MCTP1: variants seen among roughly 807,000 people sequenced by gnomAD.
MCTP1 encodes the protein multiple C2 and transmembrane domain-containing protein 1.
MCTP1 carries 69 observed loss-of-function variants against 120.6 expected under a neutral mutation model. The observed-to-expected ratio is 0.57, with a 90% CI of 0.47 to 0.70. MCTP1 has a LOEUF of 0.70. MCTP1 is among the 30% of genes least tolerant of loss of function. MCTP1 has a pLI of 0.00. For synonymous variants in MCTP1, 529 were observed against 493.1 expected (o/e 1.07, Z -0.96); for missense variants, 1,203 against 1,248.8 (o/e 0.96, Z 0.55).
intron 18 of MCTP1, among the ~76,000 whole-genome samples, chr5:94,784,511 T>G (rs939756100): frequency 6.6e-6 from 1 of 152,074 alleles, no homozygotes; most frequent in East Asian, 1.9e-4. Context: ...ACAAGATTTT[T>G]GAGAAGAAAC....
intron 1 of MCTP1, among the ~76,000 whole-genome samples, chr5:95,035,110 A>G (rs1841030807): frequency 6.6e-6 from 1 of 152,096 alleles, no homozygotes; most frequent in South Asian, 2.1e-4. Flanking sequence ...GAACACTCAT[A>G]CACTGTTGGT....
intron 1 of MCTP1, among the ~76,000 whole-genome samples, chr5:95,166,568 ATT>A (rs34176318): frequency 0.14 from 17,470 of 124,966 alleles, 860 homozygotes; most frequent in Non-Finnish European, 0.19. Context: ...AATTTTAATC[ATT>A]TTTTTTTTTT....
At chr5:95,233,984 T>C (rs1377481739) in intron 1 of MCTP1, among the ~76,000 whole-genome samples, 1 of 144,776 alleles carries the variant, frequency 6.9e-6, no homozygotes, top group African/African-American at 2.6e-5. Flanking sequence ...ATAAAACTGA[T>C]AAACCTTGAG....
intron 7 of MCTP1, among the ~76,000 whole-genome samples, chr5:94,923,129 C>T (rs1161596170): frequency 2.0e-5 from 3 of 151,446 alleles, no homozygotes; most frequent in Middle Eastern, 3.4e-3. Flanking sequence ...AGAGACACTA[C>T]AACAAATATT....
intron 7 of MCTP1, among the ~76,000 whole-genome samples, chr5:94,919,945 G>C (rs1811116620): frequency 6.6e-6 from 1 of 152,118 alleles, no homozygotes; most frequent in Non-Finnish European, 1.5e-5. Flanking sequence ...TTTTTTCTTA[G>C]AAGATGATTT....
At chr5:95,165,145 C>G (rs927534168) in intron 1 of MCTP1, among the ~76,000 whole-genome samples, 1 of 152,076 alleles carries the variant, frequency 6.6e-6, no homozygotes, top group Non-Finnish European at 1.5e-5. Context: ...CCCAGAGACA[C>G]CTCTAAATAA....
intron 19 of MCTP1, among the ~76,000 whole-genome samples, chr5:94,767,445 CA>C (rs1274338310): frequency 2.0e-5 from 3 of 151,754 alleles, no homozygotes; most frequent in Non-Finnish European, 4.4e-5. Context: ...AAAAGGCATC[CA>C]AATTGGAAAA....
chr5:94,777,608 C>T (rs988224116), intron 19 of MCTP1, among the ~76,000 whole-genome samples: 6 of 152,046 alleles, frequency 3.9e-5, no homozygotes, highest in African/African-American at 7.2e-5. Flanking sequence ...CAAGAGAAAA[C>T]GGCCATAAAT....
At chr5:94,993,391 A>G (rs1831990828) in intron 2 of MCTP1, among the ~76,000 whole-genome samples, 1 of 152,220 alleles carries the variant, frequency 6.6e-6, no homozygotes, top group African/African-American at 2.4e-5. Context: ...CACCTGGAAC[A>G]TAATAAATGA....
intron 18 of MCTP1, among the ~76,000 whole-genome samples, chr5:94,784,507 T>C (rs546332266): frequency 4.6e-5 from 7 of 152,046 alleles, no homozygotes; most frequent in Non-Finnish European, 8.8e-5. Context: ...TCTCACAAGA[T>C]TTTTGAGAAG....
chr5:94,804,160 C>A (rs1210071522), intron 17 of MCTP1, among the ~76,000 whole-genome samples: 2 of 152,182 alleles, frequency 1.3e-5, no homozygotes, highest in African/African-American at 4.8e-5. Context: ...ACAGCAAAAG[C>A]TCACTAATAC....
intron 17 of MCTP1, among the ~76,000 whole-genome samples, chr5:94,846,819 G>C (rs200438367): frequency 1.4e-5 from 1 of 71,388 alleles, no homozygotes. Flanking sequence ...GTGTGTGTCT[G>C]TGTGTGTGTG....
chr5:95,057,125 TATC>T (rs569508786), intron 1 of MCTP1, among the ~76,000 whole-genome samples: 19 of 152,136 alleles, frequency 1.2e-4, no homozygotes, highest in African/African-American at 4.3e-4. Flanking sequence ...TAGAAGCAAA[TATC>T]ATAAAATAGT....
rs564193123 is a variant in MCTP1, at chr5:94,716,225, A to T, written c.2611-1339T>A. Among the ~76,000 whole-genome samples, 39 of 152,292 alleles carry T rather than the reference A, an allele frequency of 2.6e-4. 1 individual carries two copies. Among genetic ancestry groups the T allele is most frequent in the Middle Eastern group, 3.4e-3 (1 of 294 alleles). ...CATGGGAGAAATTTGTCTATTATTC[A>T]TCTTGCTTATGCCAAAATGGATTGT... On this transcript the variant is annotated intron_variant, in intron 19 of 22. Transcript: ENST00000515393.
intron 2 of MCTP1, among the ~76,000 whole-genome samples, chr5:94,958,324 C>A (rs1022659570): frequency 1.3e-5 from 2 of 152,084 alleles, no homozygotes; most frequent in East Asian, 1.9e-4. Flanking sequence ...CAGGAAAAAT[C>A]TAAAATTGAC....
rs572327786 is a variant in MCTP1, at chr5:94,751,417, G to A, written c.2610+27693C>T. Among the ~76,000 whole-genome samples, 11 of 151,306 alleles carry A rather than the reference G, an allele frequency of 7.3e-5. No homozygotes were observed. The South Asian group carries it at 2.1e-3, about 29-fold the overall frequency. On this transcript the variant is annotated intron_variant, in intron 19 of 22. Transcript: ENST00000515393. ...GGGGCAAGGTGGGGTGGAGACAGGG[G>A]GTGAGGATGAGCATGAAGAAAAAAA... is the stretch of plus-strand genomic sequence containing the variant.
chr5:94,997,478 G>C lies in MCTP1; in HGVS notation c.838+19889C>G, dbSNP rs535828379. 3.3e-5 allele frequency among the ~76,000 whole-genome samples: 5 copies of C among 152,226 alleles called. No homozygotes were observed. The South Asian group carries it at 1.0e-3, about 32-fold the overall frequency. ...CTCAGGGAGATTACTCAAACATCTG[G>C]CCTCTCTTTGAGTTCATATTCTGTA... is the stretch of plus-strand genomic sequence containing the variant. On this transcript the variant is annotated intron_variant, in intron 2 of 22. Transcript: ENST00000515393.
chr5:94,958,647 C>T (rs914010612), intron 2 of MCTP1, among the ~76,000 whole-genome samples: 3 of 152,078 alleles, frequency 2.0e-5, no homozygotes, highest in Admixed American at 2.0e-4. Context: ...AACACCTCTA[C>T]ACAAATAAAC....
chr5:95,267,437 T>G (rs1430864335), intron 1 of MCTP1, among the ~76,000 whole-genome samples: 1 of 152,244 alleles, frequency 6.6e-6, no homozygotes, highest in Non-Finnish European at 1.5e-5. Context: ...GACATCAGAT[T>G]GCATTTCTTG....
Sources: gnomAD v4.1 joint callset for allele counts (sites outside exome capture counted in the v4.1 genomes callset) on GRCh38, gnomAD v4.1.1 for gene constraint, MANE v1.5 for transcripts, NCBI Gene and HGNC (gene_info 2026-07-23, HGNC 2026-07-21) for gene names.